The following PARD3B variants were observed in gnomAD, a reference collection of about 807,000 sequenced individuals.
PARD3B encodes partitioning defective 3 homolog B.
A neutral mutation model predicts 130.2 loss-of-function variants in PARD3B; 103 were observed. The observed-to-expected ratio is 0.79, with a 90% confidence interval of 0.67 to 0.93. The LOEUF (loss-of-function observed/expected upper bound fraction) is 0.93, where lower values mean the gene tolerates loss of function less well. Ranked by LOEUF, PARD3B falls within the 40% of genes least tolerant of loss-of-function variation. The pLI is 0.00. For synonymous variants in PARD3B, 583 were observed against 553.2 expected (o/e 1.05, Z -0.76); for missense variants, 1,609 against 1,499.2 (o/e 1.07, Z -1.21).
At chr2:205,402,715 G>C (rs2046293782) in intron 19 of PARD3B, among the ~76,000 whole-genome samples, 1 of 152,160 alleles carries the variant, frequency 6.6e-6, no homozygotes, top group South Asian at 2.1e-4. Flanking sequence ...GGCTGTATAG[G>C]CTTCGGATCC....
chr2:204,675,114 A>C lies in PARD3B; in HGVS notation c.121-11067A>C, dbSNP rs2036475896. On this transcript the variant is annotated intron_variant, in intron 1 of 22. Transcript: ENST00000406610. The surrounding 1 kb of genome is among the most constrained non-coding windows in gnomAD (Gnocchi z 4.4). ...AAAACCTTGGCATCCAGGGCTTTGGACTATAAAATTTCATTGGAAACAAAT... is the reference window on the plus strand; with the variant it reads ...AAAACCTTGGCATCCAGGGCTTTGGCCTATAAAATTTCATTGGAAACAAAT... 6.6e-6 allele frequency among the ~76,000 whole-genome samples: 1 copy of C among 152,084 alleles called. No homozygotes were observed. The highest frequency in any genetic ancestry group is 1.5e-5 in the Non-Finnish European group (1 of 68,004).
chr2:205,316,222 T>C (rs184946587), intron 18 of PARD3B, among the ~76,000 whole-genome samples: 4 of 151,948 alleles, frequency 2.6e-5, no homozygotes, highest in African/African-American at 9.6e-5. Flanking sequence ...AGTTAATTAT[T>C]TTTTTTTAAT....
chr2:205,035,944 A>G (rs1287791790), intron 3 of PARD3B, among the ~76,000 whole-genome samples: 1 of 139,294 alleles, frequency 7.2e-6, no homozygotes, highest in Non-Finnish European at 1.6e-5. Context: ...ATATATATAT[A>G]TATGACTATT....
chr2:205,156,156 G>T (rs1236367162), intron 10 of PARD3B, among the ~76,000 whole-genome samples: 2 of 147,844 alleles, frequency 1.4e-5, no homozygotes, highest in African/African-American at 2.5e-5. Context: ...GTAAACTATC[G>T]CAAGGACAAA....
intron 2 of PARD3B, among the ~76,000 whole-genome samples, chr2:204,847,227 T>G (rs2044499999): frequency 6.6e-6 from 1 of 150,882 alleles, no homozygotes; most frequent in South Asian, 2.1e-4. Context: ...TAGGAGTAGC[T>G]GCTGTCCTCT....
At position 205,091,139 on chromosome 2, in the gene PARD3B, G is replaced by A. The variant is rs1248536906; in HGVS notation, c.505-13287G>A. On this transcript the variant is annotated intron_variant, in intron 4 of 22. Coordinates refer to ENST00000406610, the MANE Select transcript of PARD3B (RefSeq NM_001302769.2). This position sits in a 1 kb window ranked among gnomAD's most constrained non-coding sequence, Gnocchi z 4.2. ...TAGTAATTGTCTATGCAGGGTTAGC[G>A]GAAGAGATTTAAGCATTAGAGGCTG... Among the ~76,000 whole-genome samples the A allele has an allele frequency of 9.2e-5, 14 of 152,124 alleles. No individual in the cohort carries two copies. The highest frequency in any genetic ancestry group is 2.1e-4 in the South Asian group (1 of 4,830).
intron 2 of PARD3B, among the ~76,000 whole-genome samples, chr2:204,901,212 G>A (rs1384624909): frequency 6.6e-6 from 1 of 152,128 alleles, no homozygotes; most frequent in Non-Finnish European, 1.5e-5. Flanking sequence ...GGTCCCAGGT[G>A]GATCCAGAGA....
Position 205,437,021 on chromosome 2 carries a change from C to T in PARD3B, c.2742-3349C>T, listed in dbSNP as rs529896054. On this transcript the variant is annotated intron_variant, in intron 19 of 22. Coordinates refer to ENST00000406610, the MANE Select transcript of PARD3B (RefSeq NM_001302769.2). Reference sequence around the variant, plus strand: ...AAGAATTACCGTACAATTCCAGGGTCCTATTCCTATCCTTAGACTATATTA... The same window carrying T: ...AAGAATTACCGTACAATTCCAGGGTTCTATTCCTATCCTTAGACTATATTA... Among the ~76,000 whole-genome samples the T allele has an allele frequency of 5.3e-5, 8 of 152,128 alleles. No homozygotes were observed. The South Asian group carries it at 1.7e-3, about 32-fold the overall frequency.
intron 15 of PARD3B, among the ~76,000 whole-genome samples, chr2:205,236,314 G>A (rs929294233): frequency 2.6e-5 from 4 of 152,000 alleles, no homozygotes; most frequent in African/African-American, 7.2e-5. Context: ...AAATAAAGAG[G>A]AGTGAATATT....
chr2:205,337,763 A>T (rs2043365443), intron 18 of PARD3B, among the ~76,000 whole-genome samples: 1 of 152,204 alleles, frequency 6.6e-6, no homozygotes, highest in African/African-American at 2.4e-5. Flanking sequence ...GAGGTTAATA[A>T]GTGCTTGTGT....
In PARD3B at chr2:205,121,622, TCTCCAAGTGTGCTC is replaced by T; in HGVS notation, c.844_857del (p.Ser282ArgfsTer8). 2 of 1,613,248 alleles carry T rather than the reference TCTCCAAGTGTGCTC, an allele frequency of 1.2e-6. No homozygotes were observed. The highest frequency in any genetic ancestry group is 1.7e-6 in the Non-Finnish European group (2 of 1,179,328). On this transcript the variant is annotated frameshift_variant, in exon 8 of 23. Coordinates refer to ENST00000406610, the MANE Select transcript of PARD3B (RefSeq NM_001302769.2). LOFTEE classifies it high-confidence loss of function. The surrounding 1 kb of genome is among the most constrained non-coding windows in gnomAD (Gnocchi z 5.0). The stretch of plus-strand genomic sequence containing the variant: ...AGATGTCTTCCGCCAGGCAATGAAA[TCTCCAAGTGTGCTC>T]CTCCACGTGCTTCCTCCACAAAACC...
chr2:204,773,069 G>A (rs781201604), intron 2 of PARD3B, among the ~76,000 whole-genome samples: 3 of 151,918 alleles, frequency 2.0e-5, no homozygotes, highest in Non-Finnish European at 4.4e-5. Context: ...ATTGATATGG[G>A]TAGATTTATG....
At chr2:204,762,572 T>C (rs1168156194) in intron 2 of PARD3B, among the ~76,000 whole-genome samples, 1 of 151,566 alleles carries the variant, frequency 6.6e-6, no homozygotes. Flanking sequence ...TAGGTGTACA[T>C]TGATTTTTTA....
chr2:205,462,756 G>A (rs1201496921), intron 20 of PARD3B, among the ~76,000 whole-genome samples: 4 of 152,134 alleles, frequency 2.6e-5, no homozygotes, highest in Non-Finnish European at 4.4e-5. Flanking sequence ...TAATTGTCCA[G>A]AATATAATGT....
chr2:204,959,517 T>C (rs1358455209), intron 2 of PARD3B, among the ~76,000 whole-genome samples: 1 of 152,194 alleles, frequency 6.6e-6, no homozygotes, highest in African/African-American at 2.4e-5. Flanking sequence ...CTGGGTCAAA[T>C]GGTATTTCTG....
At chr2:205,516,433 T>TTTGTAA (rs149498688) in intron 21 of PARD3B, among the ~76,000 whole-genome samples, 5,166 of 152,174 alleles carry the variant, frequency 0.034, 168 homozygotes, top group South Asian at 0.13. Context: ...CTCTGATTCC[T>TTTGTAA]TTGTAATTGT....
intron 16 of PARD3B, among the ~76,000 whole-genome samples, chr2:205,266,639 T>C (rs966635751): frequency 6.6e-6 from 1 of 151,426 alleles, no homozygotes; most frequent in Non-Finnish European, 1.5e-5. Context: ...CTTGTGTCTC[T>C]TTTGACCTTT....
chr2:204,687,104 C>T (rs1170628467), intron 2 of PARD3B, among the ~76,000 whole-genome samples: 1 of 151,966 alleles, frequency 6.6e-6, no homozygotes, highest in Non-Finnish European at 1.5e-5. Context: ...TATATTTTTT[C>T]CCTGTAATCT....
At chr2:205,337,898 C>T (rs1425732906) in intron 18 of PARD3B, among the ~76,000 whole-genome samples, 1 of 151,904 alleles carries the variant, frequency 6.6e-6, no homozygotes, top group Admixed American at 6.6e-5. Context: ...GCCTGTAAGC[C>T]CAGCAGTTTG....
Sources: allele counts gnomAD v4.1 joint callset (sites outside exome capture counted in the v4.1 genomes callset), GRCh38; gene constraint gnomAD v4.1.1; non-coding constraint Gnocchi (gnomAD v3.1); transcripts MANE v1.5; gene names NCBI Gene and HGNC (gene_info 2026-07-23, HGNC 2026-07-21).